SMARCA4: variants seen among roughly 807,000 people sequenced by gnomAD.
SMARCA4 encodes SWI/SNF-related matrix-associated actin-dependent regulator of chromatin subfamily A member 4.
In SMARCA4, 31 loss-of-function variants were observed where a neutral mutation model predicts 193.9. That is an observed-to-expected ratio of 0.16 (90% CI 0.12 to 0.22). The LOEUF (loss-of-function observed/expected upper bound fraction) is 0.22. SMARCA4 is among the 10% of genes least tolerant of loss of function. The pLI is 1.00. For missense variants in SMARCA4, 1,148 were observed against 2,296.0 expected, an observed-to-expected ratio of 0.50 and a Z score of 10.22; for synonymous variants, 942 against 933.1, an observed-to-expected ratio of 1.01 and a Z score of -0.17.
chr19:10,966,905 A>G (rs2084268676), intron 1 of SMARCA4, among the ~76,000 whole-genome samples: 1 of 152,004 alleles, frequency 6.6e-6, no homozygotes, highest in Non-Finnish European at 1.5e-5. Context: ...GAAAAAAAAA[A>G]AGCCGGGGGT....
intron 1 of SMARCA4, among the ~76,000 whole-genome samples, chr19:10,965,132 G>A (rs977489387): frequency 1.3e-5 from 2 of 152,156 alleles, no homozygotes; most frequent in Non-Finnish European, 2.9e-5. Context: ...TGCAAGAAAT[G>A]ACCCAGCCAC....
chr19:11,061,204 A>AATATATATATAT (rs55894159), intron 34 of SMARCA4, among the ~76,000 whole-genome samples: 8 of 45,210 alleles, frequency 1.8e-4, no homozygotes, highest in African/African-American at 4.5e-4. Context: ...AAAAAAAAAA[A>AATATATATATAT]ATATATATAT....
At chr19:11,043,140 A>G (rs1957450621) in intron 30 of SMARCA4, among the ~76,000 whole-genome samples, 1 of 151,884 alleles carries the variant, frequency 6.6e-6, no homozygotes, top group Non-Finnish European at 1.5e-5. Context: ...AAACTACAAA[A>G]ATTCGCCGAG....
chr19:11,043,891 G>T (rs1042475561), intron 30 of SMARCA4, among the ~76,000 whole-genome samples: 7 of 152,004 alleles, frequency 4.6e-5, no homozygotes, highest in Non-Finnish European at 8.8e-5. Flanking sequence ...CACGAGAATC[G>T]CTTGAACCCA....
Position 11,003,390 on chromosome 19 carries a change from A to T in SMARCA4, c.1994A>T (p.Glu665Val), listed in dbSNP as rs754483795. 1 of 1,613,912 alleles carries T rather than the reference A, an allele frequency of 6.2e-7. No homozygotes were observed. Among genetic ancestry groups the T allele is most frequent in the Non-Finnish European group, 8.5e-7 (1 of 1,179,772 alleles). The change falls in exon 13 of 35, where the codon GAG becomes GTG. Residue 665 changes from glutamate (E) to valine (V), a missense_variant. Glu to Val is a moderately radical substitution (Grantham distance 121). Around this residue, in one of 17 missense-constraint regions of SMARCA4, gnomAD observed 115 missense variants for 175.1 expected, o/e 0.66. Transcript: ENST00000344626. ...SDSEESGSEE[E>V]EEEEEEEQPQ... ...AGTGAAGAAAGTGGCTCAGAAGAAG[A>T]GGAAGAGGTAAGAGTGCATTTCCTG... is the stretch of plus-strand genomic sequence containing the variant.
chr19:10,976,540 G>T (rs1411124270), intron 1 of SMARCA4, among the ~76,000 whole-genome samples: 1 of 152,154 alleles, frequency 6.6e-6, no homozygotes, highest in African/African-American at 2.4e-5. Context: ...CGGATCACTT[G>T]AGCCCAGGTG....
rs925207565 is a variant in SMARCA4, at chr19:10,978,507, G to T, written c.-31-5614G>T. Among the ~76,000 whole-genome samples the T allele has an allele frequency of 2.0e-5, 3 of 152,034 alleles. No homozygotes were observed. In the East Asian group the frequency reaches 5.9e-4, roughly 30 times the overall value. ...CACCCACCACGCCTGGCTAATTTTTGTATTTTTAGTAGAGACGGGTTTTAC... is the reference window on the plus strand; with the variant it reads ...CACCCACCACGCCTGGCTAATTTTTTTATTTTTAGTAGAGACGGGTTTTAC... On this transcript the variant is annotated intron_variant, in intron 1 of 34. Transcript: ENST00000344626.
At chr19:10,994,509 G>A (rs1013785454) in intron 8 of SMARCA4, among the ~76,000 whole-genome samples, 1 of 151,218 alleles carries the variant, frequency 6.6e-6, no homozygotes, top group African/African-American at 2.4e-5. Flanking sequence ...AATTTTTTTT[G>A]TTAGTAGAGA....
In SMARCA4 at chr19:11,033,005, A is replaced by G; in HGVS notation, c.3547-285A>G. Reference sequence around the variant, plus strand: ...TGCCACGGGAGCTGCTTGAGAATATAATCCCCTGGGGGGTTGGTGCTTTCT... The same window carrying G: ...TGCCACGGGAGCTGCTTGAGAATATGATCCCCTGGGGGGTTGGTGCTTTCT... On this transcript the variant is annotated intron_variant, in intron 25 of 34. Coordinates refer to ENST00000344626, the MANE Select transcript of SMARCA4 (RefSeq NM_003072.5). The surrounding 1 kb of genome is among the most constrained non-coding windows in gnomAD (Gnocchi z 9.8). 1 of 524,120 alleles carries G rather than the reference A, an allele frequency of 1.9e-6. No individual in the cohort carries two copies. Among genetic ancestry groups the G allele is most frequent in the South Asian group, 2.0e-5 (1 of 49,776 alleles). 32.5% of individuals were successfully genotyped at this position (524,120 alleles called of 1,614,324 possible). A position where few individuals can be genotyped will look rare whatever the true frequency, so the allele number is the denominator to read the frequency against.
In SMARCA4 at chr19:11,030,624, G is replaced by A; in HGVS notation, c.3383-106G>A. The A allele has an allele frequency of 9.9e-7, 1 of 1,014,254 alleles. No individual in the cohort carries two copies. 62.8% of individuals were successfully genotyped at this position (1,014,254 alleles called of 1,614,324 possible). A position where few individuals can be genotyped will look rare whatever the true frequency, so the allele number is the denominator to read the frequency against. On this transcript the variant is annotated intron_variant, in intron 24 of 34. Transcript: ENST00000344626. The surrounding 1 kb of genome is among the most constrained non-coding windows in gnomAD (Gnocchi z 5.5). Reference sequence around the variant, plus strand: ...GCGGAGCCAGGGATCTGGGGATGCTGGCAGGTGCTGATCCTGCTCCTGCTC... The same window carrying A: ...GCGGAGCCAGGGATCTGGGGATGCTAGCAGGTGCTGATCCTGCTCCTGCTC...
Position 11,034,926 on chromosome 19 carries a change from G to A in SMARCA4, c.3964G>A (p.Asp1322Asn). The stretch of plus-strand genomic sequence containing the variant: ...CCCTGCCCACCAGCGCATGGACCTG[G>A]ACCGCAGGCGCGAGGAGGCCCGCAA... The part of the protein sequence containing the change: ...EFDLFMRMDL[D>N]RRREEARNPK... The change falls in exon 29 of 35, where the codon GAC (aspartate) becomes AAC (asparagine). Residue 1322 changes from aspartate (D) to asparagine (N), a missense_variant. Asp to Asn is a conservative substitution (Grantham distance 23, BLOSUM62 1). Around this residue, in one of 17 missense-constraint regions of SMARCA4, gnomAD observed 84 missense variants for 202.2 expected, o/e 0.42. Coordinates refer to ENST00000344626, the MANE Select transcript of SMARCA4 (RefSeq NM_003072.5). The surrounding 1 kb of genome is among the most constrained non-coding windows in gnomAD (Gnocchi z 7.0). 6.4e-7 allele frequency: 1 copy of A among 1,568,292 alleles called. No individual in the cohort carries two copies. Among genetic ancestry groups the A allele is most frequent in the East Asian group, 2.4e-5 (1 of 42,496 alleles).
In SMARCA4 at chr19:11,019,003, G is replaced by A. The variant is rs1338927115; in HGVS notation, c.2485G>A (p.Val829Met). ...CGAGTTTGACAAGTGGGCCCCCTCC[G>A]TGGTGAAGGTGTCTTACAAGGTAGG... is the stretch of plus-strand genomic sequence containing the variant. ...AYEFDKWAPSVVKVSYKGSPA... is the reference protein window; with the variant it reads ...AYEFDKWAPSMVKVSYKGSPA... The change falls in exon 17 of 35, where the codon GTG (valine) becomes ATG (methionine). Residue 829 changes from valine (V) to methionine (M), a missense_variant. Coordinates refer to ENST00000344626, the MANE Select transcript of SMARCA4 (RefSeq NM_003072.5). This position sits in a 1 kb window ranked among gnomAD's most constrained non-coding sequence, Gnocchi z 6.1. 1.2e-6 allele frequency: 2 copies of A among 1,614,052 alleles called. No individual in the cohort carries two copies. The highest frequency in any genetic ancestry group is 1.7e-6 in the Non-Finnish European group (2 of 1,179,856).
At chr19:11,018,404 G>T in intron 16 of SMARCA4, 1 of 262,744 alleles carries the variant, frequency 3.8e-6, no homozygotes, top group South Asian at 4.4e-5. Flanking sequence ...TCATCCCACA[G>T]GGGAACAGCC....
At chr19:11,001,342 A>G (rs1382494922) in intron 11 of SMARCA4, among the ~76,000 whole-genome samples, 1 of 152,120 alleles carries the variant, frequency 6.6e-6, no homozygotes, top group East Asian at 1.9e-4. Context: ...GGTGGTGTGC[A>G]CTTGCGGTCC....
intron 15 of SMARCA4, chr19:11,012,683 C>T: frequency 8.1e-6 from 4 of 493,370 alleles, no homozygotes; most frequent in South Asian, 7.7e-5. Flanking sequence ...TGGGAGTGAG[C>T]TGTTGAGATG....
At chr19:10,991,393 C>A in intron 8 of SMARCA4, 70 bp downstream of exon 8, 1 of 1,547,492 alleles carries the variant, frequency 6.5e-7, no homozygotes. Flanking sequence ...GCGGTTGCCA[C>A]GGGGCTGTGT....
At chr19:11,047,214 A>G (rs1196307875) in intron 30 of SMARCA4, among the ~76,000 whole-genome samples, 1 of 152,144 alleles carries the variant, frequency 6.6e-6, no homozygotes, top group African/African-American at 2.4e-5. Flanking sequence ...GCAAGGCTAC[A>G]GATTAAAATC....
intron 8 of SMARCA4, among the ~76,000 whole-genome samples, chr19:10,991,543 G>A: frequency 6.6e-6 from 1 of 152,238 alleles, no homozygotes; most frequent in East Asian, 1.9e-4. Context: ...ACGTCTGGAA[G>A]GTGATAGGGC....
chr19:11,034,627 A>G lies in SMARCA4; in HGVS notation c.3952-287A>G, dbSNP rs546554169. On this transcript the variant is annotated intron_variant, in intron 28 of 34. Transcript: ENST00000344626. This position sits in a 1 kb window ranked among gnomAD's most constrained non-coding sequence, Gnocchi z 7.0. ...GCCCGCAGGCCTCATGCCTCCACCA[A>G]CGCTGGGCCACGCAGCTGCTGCCCC... 2.6e-5 allele frequency among the ~76,000 whole-genome samples: 4 copies of G among 152,122 alleles called. No individual in the cohort carries two copies. The highest frequency in any genetic ancestry group is 9.6e-5 in the African/African-American group (4 of 41,512).
Sources: allele counts gnomAD v4.1 joint callset (sites outside exome capture counted in the v4.1 genomes callset), GRCh38; gene constraint gnomAD v4.1.1; regional missense constraint gnomAD v4.1.1; non-coding constraint Gnocchi (gnomAD v3.1); transcripts MANE v1.5; gene names NCBI Gene and HGNC (gene_info 2026-07-23, HGNC 2026-07-21).